The following GFI1B variants were observed in gnomAD, a reference collection of about 807,000 sequenced individuals.
GFI1B encodes the protein growth factor independent 1B transcriptional repressor.
A neutral mutation model predicts 35.3 loss-of-function variants in GFI1B; 20 were observed. That is an observed-to-expected ratio of 0.57 (90% CI 0.40 to 0.82). The LOEUF is 0.82. GFI1B is among the 40% of genes least tolerant of loss of function. The pLI, the probability that GFI1B is intolerant of heterozygous loss-of-function variation, is 0.00. For synonymous variants in GFI1B, 178 were observed against 177.6 expected (o/e 1.00, Z -0.02); for missense variants, 430 against 446.3 (o/e 0.96, Z 0.33).
chr9:132,987,051 T>C (rs1166508158), intron 2 of GFI1B, among the ~76,000 whole-genome samples: 1 of 151,918 alleles, frequency 6.6e-6, no homozygotes, highest in African/African-American at 2.4e-5. Context: ...AGGGCTGGAG[T>C]TGGGTTGCTC....
chr9:132,949,441 G>C (rs770574483), intron 1 of GFI1B, among the ~76,000 whole-genome samples: 1 of 152,112 alleles, frequency 6.6e-6, no homozygotes, highest in Non-Finnish European at 1.5e-5. Flanking sequence ...TTGAGAATTA[G>C]AACCGAGAGA....
chr9:132,946,994 T>C (rs1188217153), intron 1 of GFI1B: 1 of 152,504 alleles, frequency 6.6e-6, no homozygotes, highest in East Asian at 1.9e-4. Flanking sequence ...CTCCTGCCAC[T>C]TACCAGGCTG....
intron 1 of GFI1B, among the ~76,000 whole-genome samples, chr9:132,983,289 C>T (rs1233997545): frequency 1.4e-5 from 2 of 147,552 alleles, no homozygotes; most frequent in African/African-American, 5.0e-5. Context: ...CTCCGCCTCC[C>T]GGGTTCAAGC....
At chr9:132,949,074 C>T (rs1033489121) in intron 1 of GFI1B, among the ~76,000 whole-genome samples, 8 of 152,202 alleles carry the variant, frequency 5.3e-5, no homozygotes, top group South Asian at 2.1e-4. Context: ...GAGGTGATCA[C>T]GGATCCCCAC....
chr9:132,963,900 A>G lies in GFI1B; in HGVS notation c.-700-8825A>G, dbSNP rs924488508. On this transcript the variant is annotated intron_variant, in intron 1 of 10. Coordinates refer to the GFI1B transcript ENST00000339463. ...ATTTTGTCAAGAACCAAGATTTCCA[A>G]TGTAAGAGAAAAGAGACACAAATAT... The G allele has an allele frequency of 3.9e-5, 6 of 152,232 alleles. No homozygotes were observed. In the East Asian group the frequency reaches 5.8e-4, roughly 15 times the overall value. The allele number at this position is 152,232 out of a possible 1,614,324, so 9.4% of individuals were successfully genotyped here.
upstream of GFI1B, among the ~76,000 whole-genome samples, chr9:132,974,797 TG>T (rs1396025824): frequency 7.0e-6 from 1 of 142,608 alleles, no homozygotes; most frequent in Non-Finnish European, 1.6e-5. Context: ...GAGACAGGCT[TG>T]GGGAAATCAG....
chr9:132,962,260 C>T (rs1481889524), intron 1 of GFI1B, among the ~76,000 whole-genome samples: 1 of 151,578 alleles, frequency 6.6e-6, no homozygotes, highest in Non-Finnish European at 1.5e-5. Flanking sequence ...GGCTAAGCCT[C>T]CCAAGTAGCT....
In GFI1B at chr9:132,989,263, T is replaced by C; in HGVS notation, c.648+65T>C. On this transcript the variant is annotated intron_variant, in intron 5 of 6. Transcript: ENST00000372122. The surrounding 1 kb of genome is among the most constrained non-coding windows in gnomAD (Gnocchi z 6.2). ...CTTCTCTGTGCTTCCCCAGGGAGCC[T>C]GGGGGCTGTGGCTGGGTCCCTCCCC... 6.6e-7 allele frequency: 1 copy of C among 1,515,340 alleles called. No individual in the cohort carries two copies. Among genetic ancestry groups the C allele is most frequent in the Non-Finnish European group, 9.1e-7 (1 of 1,102,428 alleles). The allele number at this position is 1,515,340 out of a possible 1,614,324, so 93.9% of individuals were successfully genotyped here. A position where few individuals can be genotyped will look rare whatever the true frequency, so the allele number is the denominator to read the frequency against.
At chr9:132,987,188 GCCT>G in intron 2 of GFI1B, 91 bp from the exon 3 acceptor site, 1 of 1,342,790 alleles carries the variant, frequency 7.4e-7, no homozygotes, top group Non-Finnish European at 1.0e-6. Flanking sequence ...GTCTCTCTGG[GCCT>G]CCTCCTCCTA....
chr9:132,946,102 C>T (rs1430450500), intron 1 of GFI1B, among the ~76,000 whole-genome samples: 1 of 152,196 alleles, frequency 6.6e-6, no homozygotes, highest in Non-Finnish European at 1.5e-5. Flanking sequence ...CCAAACCCTC[C>T]TGGGCCCTTG....
At chr9:132,988,174 G>C in intron 3 of GFI1B, 23 bp from the exon 4 acceptor site, 1 of 1,611,358 alleles carries the variant, frequency 6.2e-7, no homozygotes, top group Non-Finnish European at 8.5e-7. Flanking sequence ...TGAGTAACCA[G>C]GCCTGTGTCG....
At chr9:132,972,904 C>A (rs996801940) in intron 2 of GFI1B, among the ~76,000 whole-genome samples, 1 of 152,166 alleles carries the variant, frequency 6.6e-6, no homozygotes, top group Admixed American at 6.5e-5. Context: ...CTGCAGCCCC[C>A]GGTAAGGAGC....
At chr9:132,958,005 C>T (rs1049859729) in intron 1 of GFI1B, among the ~76,000 whole-genome samples, 1 of 152,072 alleles carries the variant, frequency 6.6e-6, no homozygotes, top group African/African-American at 2.4e-5. Flanking sequence ...CCCCAGTCAC[C>T]GGATAATCAA....
chr9:132,986,634 C>A, intron 1 of GFI1B, 25 bp from the exon 2 acceptor site: 2 of 1,211,790 alleles, frequency 1.7e-6, no homozygotes, highest in Admixed American at 3.7e-5. Flanking sequence ...TCCTTCCTAA[C>A]CGCTCCCATC....
intron 1 of GFI1B, among the ~76,000 whole-genome samples, chr9:132,979,255 T>A (rs899417012): frequency 5.7e-5 from 8 of 141,184 alleles, no homozygotes; most frequent in East Asian, 2.1e-4. Context: ...ACTTTTTTTT[T>A]TTTTTTTTTT....
rs1849208895 is a variant in GFI1B at position 132,989,538 on chromosome 9, A to G, written c.649-204A>G. 3.3e-6 allele frequency: 2 copies of G among 603,812 alleles called. No individual in the cohort carries two copies. The highest frequency in any genetic ancestry group is 5.9e-6 in the Non-Finnish European group (2 of 338,720). 37.4% of individuals were successfully genotyped at this position (603,812 alleles called of 1,614,324 possible). On this transcript the variant is annotated intron_variant, in intron 5 of 6. Coordinates refer to ENST00000372122, the MANE Select transcript of GFI1B (RefSeq NM_001377304.1). This position sits in a 1 kb window ranked among gnomAD's most constrained non-coding sequence, Gnocchi z 6.2. ...TTTATTGAGGTTTATTTTGAGCGGG[A>G]TACCGTGAAGATTACAAGGAAAAAT...
At chr9:132,945,841 T>G (rs532831041) in intron 1 of GFI1B, 2 of 153,066 alleles carry the variant, frequency 1.3e-5, no homozygotes, top group South Asian at 4.1e-4. Context: ...AGCAAGAGCC[T>G]AGGGGCAAAA....
intron 1 of GFI1B, among the ~76,000 whole-genome samples, chr9:132,979,050 C>T (rs1296160118): frequency 6.6e-6 from 1 of 152,092 alleles, no homozygotes; most frequent in Admixed American, 6.5e-5. Context: ...GCGCCTTTGC[C>T]GGCTGCGCAG....
In GFI1B at chr9:132,991,096, G is replaced by T; in HGVS notation, c.*46G>T. The T allele has an allele frequency of 6.4e-7, 1 of 1,555,728 alleles. No individual in the cohort carries two copies. Reference sequence around the variant, plus strand: ...CCTGGCCAGCCTGCCCTGCGGTCCTGTCACCTGGAGGCCAGCCTCACATGC... The same window carrying T: ...CCTGGCCAGCCTGCCCTGCGGTCCTTTCACCTGGAGGCCAGCCTCACATGC... On this transcript the variant is annotated 3_prime_UTR_variant, in exon 7 of 7. Transcript: ENST00000372122.
Sources: gnomAD v4.1 joint callset for allele counts (sites outside exome capture counted in the v4.1 genomes callset) on GRCh38, gnomAD v4.1.1 for gene constraint, Gnocchi (gnomAD v3.1) non-coding constraint, MANE v1.5 for transcripts, NCBI Gene and HGNC (gene_info 2026-07-23, HGNC 2026-07-21) for gene names.